The following PKD1L1 variants were observed in gnomAD, a reference collection of about 807,000 sequenced individuals.
The protein encoded by PKD1L1 is polycystin 1 like 1, transient receptor potential channel interacting.
In PKD1L1, 236 loss-of-function variants were observed where a neutral mutation model predicts 323.4. That is an observed-to-expected ratio of 0.73 (90% CI 0.66 to 0.81). The LOEUF (loss-of-function observed/expected upper bound fraction) is 0.81. PKD1L1 is among the 40% of genes least tolerant of loss of function. The pLI is 0.00. For missense variants in PKD1L1, 3,320 were observed against 3,508.0 expected (o/e 0.95, Z 1.35); for synonymous variants, 1,344 against 1,335.0 (o/e 1.01, Z -0.15).
At chr7:47,817,950 C>G in intron 46 of PKD1L1, 1 of 1,000,304 alleles carries the variant, frequency 1.0e-6, no homozygotes, top group Admixed American at 3.0e-5. Context: ...TTTTTTCTTA[C>G]GAAGAAATGA....
intron 9 of PKD1L1, 96 bp downstream of exon 9, chr7:47,907,981 G>T (rs1787241391): frequency 8.3e-7 from 1 of 1,198,364 alleles, no homozygotes; most frequent in Non-Finnish European, 1.1e-6. Flanking sequence ...ATCAAATTTA[G>T]AACTGCTATA....
At chr7:47,959,780 G>T in the PKD1L1 span, among the ~76,000 whole-genome samples, 1 of 135,794 alleles carries the variant, frequency 7.4e-6, no homozygotes, top group Non-Finnish European at 1.6e-5. Flanking sequence ...CAGCCGCCCC[G>T]TCCGGGAGGT....
intron 17 of PKD1L1, among the ~76,000 whole-genome samples, chr7:47,887,277 G>A (rs973439632): frequency 6.6e-6 from 1 of 152,306 alleles, no homozygotes; most frequent in South Asian, 2.1e-4. Flanking sequence ...AGGTCAGCGG[G>A]GGCTTGGCAC....
chr7:47,939,767 C>T (rs1787944933), intron 3 of PKD1L1, among the ~76,000 whole-genome samples: 1 of 152,180 alleles, frequency 6.6e-6, no homozygotes, highest in Non-Finnish European at 1.5e-5. Flanking sequence ...GCAGCTCCCA[C>T]TCCCCACCTG....
At chr7:47,919,469 T>C (rs1047144126) in intron 7 of PKD1L1, among the ~76,000 whole-genome samples, 1 of 152,136 alleles carries the variant, frequency 6.6e-6, no homozygotes, top group East Asian at 1.9e-4. Flanking sequence ...ACCAATCCTA[T>C]TGACACTATT....
chr7:47,855,646 G>A (rs1785883448), intron 28 of PKD1L1, among the ~76,000 whole-genome samples: 1 of 97,354 alleles, frequency 1.0e-5, no homozygotes, highest in East Asian at 2.1e-4. Flanking sequence ...GGAGGCCGAG[G>A]CGGGCGGATC....
rs1055963973 is a variant in PKD1L1, at chr7:47,946,999, G to A, written c.44+1398C>T. 6.6e-6 allele frequency among the ~76,000 whole-genome samples: 1 copy of A among 152,200 alleles called. No homozygotes were observed. The highest frequency in any genetic ancestry group is 1.5e-5 in the Non-Finnish European group (1 of 68,028). On this transcript the variant is annotated intron_variant, in intron 1 of 56. Transcript: ENST00000289672. The surrounding 1 kb of genome is among the most constrained non-coding windows in gnomAD (Gnocchi z 4.1). Reference sequence around the variant, plus strand: ...CAATTCCCTGACTGATAAGAGTGAAGGTCAAATTGGGCCAACATCAAGGCT... The same window carrying A: ...CAATTCCCTGACTGATAAGAGTGAAAGTCAAATTGGGCCAACATCAAGGCT...
chr7:47,788,304 A>G (rs578182487), intron 56 of PKD1L1, among the ~76,000 whole-genome samples: 37 of 149,846 alleles, frequency 2.5e-4, no homozygotes, highest in African/African-American at 8.7e-4. Flanking sequence ...TTTTATTCAT[A>G]TATTTTTATT....
intron 8 of PKD1L1, among the ~76,000 whole-genome samples, chr7:47,911,358 T>C (rs745813830): frequency 2.0e-5 from 3 of 152,226 alleles, no homozygotes; most frequent in African/African-American, 4.8e-5. Flanking sequence ...CTGTAAAACC[T>C]GCAGAACCGT....
At chr7:47,902,232 T>TA in intron 13 of PKD1L1, 147 bp downstream of exon 13, 1 of 1,226,306 alleles carries the variant, frequency 8.2e-7, no homozygotes, top group East Asian at 2.6e-5. Context: ...GAAGCCCTTA[T>TA]AGGCACTCCT....
intron 52 of PKD1L1, 90 bp downstream of exon 52, chr7:47,808,157 C>T (rs919774237): frequency 2.2e-5 from 33 of 1,484,978 alleles, no homozygotes; most frequent in African/African-American, 1.1e-4. Flanking sequence ...TCTGTTGTCT[C>T]GCACCTTCTA....
At chr7:47,853,761 CAAA>C (rs1785834261) in intron 30 of PKD1L1, among the ~76,000 whole-genome samples, 1 of 85,110 alleles carries the variant, frequency 1.2e-5, no homozygotes, top group Non-Finnish European at 2.4e-5. Context: ...AACAAACAAA[CAAA>C]CCAAAAAAAA....
At chr7:47,780,946 G>GT (rs1786678203) in intron 56 of PKD1L1, among the ~76,000 whole-genome samples, 1 of 152,146 alleles carries the variant, frequency 6.6e-6, no homozygotes, top group African/African-American at 2.4e-5. Context: ...TGGGCGATAA[G>GT]TTTTCATGTT....
intron 24 of PKD1L1, among the ~76,000 whole-genome samples, chr7:47,872,267 C>T (rs1786298207): frequency 6.6e-6 from 1 of 152,172 alleles, no homozygotes; most frequent in Non-Finnish European, 1.5e-5. Context: ...GCCTGTGCTG[C>T]TTTGTTTTTG....
chr7:47,879,521 T>C (rs1053174173), intron 21 of PKD1L1, among the ~76,000 whole-genome samples: 1 of 149,690 alleles, frequency 6.7e-6, no homozygotes, highest in African/African-American at 2.5e-5. Flanking sequence ...TAATCCCAGT[T>C]ACTCGGGAGG....
Position 47,774,976 on chromosome 7 carries a change from T to A in PKD1L1, c.*167A>T. The A allele has an allele frequency of 1.4e-6, 1 of 714,852 alleles. No individual in the cohort carries two copies. The highest frequency in any genetic ancestry group is 1.8e-5 in the South Asian group (1 of 56,094). The allele number at this position is 714,852 out of a possible 1,614,324, so 44.3% of individuals were successfully genotyped here. A position where few individuals can be genotyped will look rare whatever the true frequency, so the allele number is the denominator to read the frequency against. ...AGTCTGATGACAGATAAACCTTGATTTTCATCCTGGTTTCCCATTTACTTG... is the reference window on the plus strand; with the variant it reads ...AGTCTGATGACAGATAAACCTTGATATTCATCCTGGTTTCCCATTTACTTG... On this transcript the variant is annotated 3_prime_UTR_variant, in exon 57 of 57. Transcript: ENST00000289672.
intron 19 of PKD1L1, among the ~76,000 whole-genome samples, chr7:47,882,688 A>T (rs1182777635): frequency 2.5e-4 from 2 of 8,156 alleles, no homozygotes; most frequent in African/African-American, 5.1e-4. Flanking sequence ...GGAGGGTGGG[A>T]GGGAGGGAGG....
chr7:47,792,835 G>T (rs1261348118), intron 55 of PKD1L1, 38 bp from the exon 56 acceptor site: 1 of 1,549,938 alleles, frequency 6.5e-7, no homozygotes, highest in Non-Finnish European at 8.9e-7. Context: ...ATGCATTCAA[G>T]AATCTCATTA....
chr7:47,929,124 C>A, intron 7 of PKD1L1, 80 bp downstream of exon 7: 1 of 1,424,838 alleles, frequency 7.0e-7, no homozygotes, highest in Non-Finnish European at 9.5e-7. Flanking sequence ...AGTTTCTTTT[C>A]TTTTCCCAAC....
Sources: gnomAD v4.1 joint callset for allele counts (sites outside exome capture counted in the v4.1 genomes callset) on GRCh38, gnomAD v4.1.1 for gene constraint, Gnocchi (gnomAD v3.1) non-coding constraint, MANE v1.5 for transcripts, NCBI Gene and HGNC (gene_info 2026-07-23, HGNC 2026-07-21) for gene names.